LEPR: variants seen among roughly 807,000 people sequenced by gnomAD.
LEPR encodes the protein leptin receptor, also known as OB receptor.
In LEPR, 56 loss-of-function variants were observed where a neutral mutation model predicts 114.7. That is an observed-to-expected ratio of 0.49 (90% CI 0.39 to 0.61). LEPR has a LOEUF of 0.61. Ranked by LOEUF, LEPR falls within the 20% of genes least tolerant of loss-of-function variation. The pLI is 0.00. For synonymous variants in LEPR, 443 were observed against 461.4 expected, an observed-to-expected ratio of 0.96 and a Z score of 0.51; for missense variants, 1,202 against 1,352.9, an observed-to-expected ratio of 0.89 and a Z score of 1.75.
chr1:65,566,559 T>A (rs1206734817), intron 3 of LEPR, among the ~76,000 whole-genome samples: 2 of 152,234 alleles, frequency 1.3e-5, no homozygotes, highest in African/African-American at 4.8e-5. Flanking sequence ...CACATTCTGG[T>A]GACATTCTGA....
At chr1:65,551,463 T>C (rs921682539) in intron 2 of LEPR, among the ~76,000 whole-genome samples, 4 of 152,198 alleles carry the variant, frequency 2.6e-5, no homozygotes, top group African/African-American at 4.8e-5. Context: ...TAGGAATTTA[T>C]CCATTTCTTC....
chr1:65,548,125 A>G (rs560580854), intron 2 of LEPR, among the ~76,000 whole-genome samples: 2 of 151,992 alleles, frequency 1.3e-5, no homozygotes, highest in African/African-American at 4.8e-5. Context: ...TCTTTGAGAG[A>G]GTTTCTGAAT....
intron 2 of LEPR, among the ~76,000 whole-genome samples, chr1:65,558,501 GTT>G (rs781558613): frequency 8.6e-5 from 2 of 23,160 alleles, no homozygotes; most frequent in African/African-American, 2.1e-4. Flanking sequence ...GTTTCTTAAT[GTT>G]TTTTTTTTTT....
At chr1:65,453,023 G>A (rs1423074378) in intron 2 of LEPR, among the ~76,000 whole-genome samples, 10 of 152,212 alleles carry the variant, frequency 6.6e-5, no homozygotes, top group Non-Finnish European at 1.2e-4. Flanking sequence ...TGTATATGTC[G>A]AGGAATTTAT....
intron 2 of LEPR, among the ~76,000 whole-genome samples, chr1:65,427,247 G>C (rs1302320767): frequency 1.3e-5 from 2 of 151,988 alleles, no homozygotes; most frequent in African/African-American, 4.8e-5. Context: ...CCAAAGCCCA[G>C]GGTAGTTAAA....
chr1:65,484,233 G>GC (rs1647361436), intron 2 of LEPR, among the ~76,000 whole-genome samples: 1 of 151,972 alleles, frequency 6.6e-6, no homozygotes, highest in Non-Finnish European at 1.5e-5. Flanking sequence ...AGATTACTTG[G>GC]CCCATAGTAG....
At chr1:65,435,229 C>G (rs1646541958) in intron 2 of LEPR, 1 of 985,292 alleles carries the variant, frequency 1.0e-6, no homozygotes, top group South Asian at 4.7e-5. Context: ...TCTTACTGTC[C>G]TAAGGAAGTC....
intron 2 of LEPR, among the ~76,000 whole-genome samples, chr1:65,484,993 T>A (rs902282713): frequency 2.0e-5 from 3 of 152,202 alleles, no homozygotes; most frequent in African/African-American, 7.2e-5. Context: ...CATGTTTGTT[T>A]CATATGACCA....
chr1:65,529,511 C>T (rs1006768404), intron 2 of LEPR, among the ~76,000 whole-genome samples: 16 of 118,240 alleles, frequency 1.4e-4, no homozygotes, highest in African/African-American at 4.3e-4. Flanking sequence ...ACGAGTGAGA[C>T]TCTGTCTCAA....
intron 2 of LEPR, among the ~76,000 whole-genome samples, chr1:65,451,832 G>C (rs993960242): frequency 6.6e-6 from 1 of 152,030 alleles, no homozygotes; most frequent in Non-Finnish European, 1.5e-5. Flanking sequence ...TTGGTAGCTT[G>C]ATGGGTATGG....
rs1658753690 is a variant in LEPR, at chr1:65,637,374, A to G, written c.*359A>G. 1 of 212,208 alleles carries G rather than the reference A, an allele frequency of 4.7e-6. No homozygotes were observed. Among genetic ancestry groups the G allele is most frequent in the Non-Finnish European group, 9.6e-6 (1 of 104,400 alleles). The allele number at this position is 212,208 out of a possible 1,614,324, so 13.1% of individuals were successfully genotyped here. ...GTTTTGTACCAACACACACACACAC[A>G]CACATTCTTAACACATGTCCTTGTG... On this transcript the variant is annotated 3_prime_UTR_variant, in exon 20 of 20. Coordinates refer to ENST00000349533, the MANE Select transcript of LEPR (RefSeq NM_002303.6).
intron 2 of LEPR, among the ~76,000 whole-genome samples, chr1:65,451,697 G>A (rs1315024805): frequency 6.6e-6 from 1 of 152,164 alleles, no homozygotes; most frequent in African/African-American, 2.4e-5. Flanking sequence ...AGTATAGTTT[G>A]AAGTCAGGTA....
intron 4 of LEPR, among the ~76,000 whole-genome samples, chr1:65,571,809 A>AAAAAAAAT (rs1654190218): frequency 6.9e-6 from 1 of 144,890 alleles, no homozygotes; most frequent in Admixed American, 6.9e-5. Context: ...AAAAAAAAAA[A>AAAAAAAAT]AAAAAAAAAA....
In LEPR at chr1:65,610,011, T is replaced by C. The variant is rs1328447872; in HGVS notation, c.1817T>C (p.Val606Ala). 4 of 1,614,078 alleles carry C rather than the reference T, an allele frequency of 2.5e-6. No homozygotes were observed. Among genetic ancestry groups the C allele is most frequent in the Non-Finnish European group, 3.4e-6 (4 of 1,180,034 alleles). ...CTCCCAGTTCCAGACTTGTGTGCAG[T>C]CTATGCTGTTCAGGTGCGCTGTAAG... is the stretch of plus-strand genomic sequence containing the variant. ...VSLPVPDLCAVYAVQVRCKRL... is the reference protein window; with the variant it reads ...VSLPVPDLCAAYAVQVRCKRL... Residue 606 changes from valine to alanine, a missense_variant, in exon 13 of 20, where the codon GTC becomes GCC. Coordinates refer to ENST00000349533, the MANE Select transcript of LEPR (RefSeq NM_002303.6).
intron 10 of LEPR, among the ~76,000 whole-genome samples, chr1:65,602,954 G>A (rs1172783016): frequency 6.6e-6 from 1 of 151,914 alleles, no homozygotes; most frequent in Non-Finnish European, 1.5e-5. Context: ...TCTTTTCATG[G>A]CATTTTCACA....
chr1:65,429,961 T>A, intron 2 of LEPR: 1 of 1,580,076 alleles, frequency 6.3e-7, no homozygotes, highest in Non-Finnish European at 8.7e-7. Flanking sequence ...CAACCAGTAG[T>A]GCCTGTCGGG....
rs762843599 is a variant in LEPR at position 65,636,173 on chromosome 1, ATG to A, written c.2674-14_2674-13del. The stretch of plus-strand genomic sequence containing the variant: ...TTTTTTAACATAATTGAGCCTTAAA[ATG>A]TGTCTTTTCTTTTAGCCAGAAACGT... On this transcript the variant is annotated splice_polypyrimidine_tract_variant and intron_variant, in intron 19 of 19. Coordinates refer to ENST00000349533, the MANE Select transcript of LEPR (RefSeq NM_002303.6). The A allele has an allele frequency of 6.2e-6, 10 of 1,613,388 alleles. No homozygotes were observed. The highest frequency in any genetic ancestry group is 1.7e-6 in the Non-Finnish European group (2 of 1,179,732).
intron 5 of LEPR, among the ~76,000 whole-genome samples, chr1:65,591,695 T>G (rs1471567198): frequency 1.3e-5 from 2 of 152,042 alleles, no homozygotes. Context: ...GTTCATTTCC[T>G]TTTATTTGTG....
chr1:65,616,606 T>G (rs776151331), intron 15 of LEPR, among the ~76,000 whole-genome samples: 9 of 151,942 alleles, frequency 5.9e-5, no homozygotes, highest in Non-Finnish European at 1.2e-4. Context: ...TAAGTATATA[T>G]CATATTAAAT....
Sources: gnomAD v4.1 joint callset for allele counts (sites outside exome capture counted in the v4.1 genomes callset) on GRCh38, gnomAD v4.1.1 for gene constraint, MANE v1.5 for transcripts, NCBI Gene and HGNC (gene_info 2026-07-23, HGNC 2026-07-21) for gene names.